The following PRLR variants were observed in gnomAD, a reference collection of about 807,000 sequenced individuals.
PRLR encodes prolactin receptor, also known as hPRL receptor.
Under a neutral mutation model 40.2 loss-of-function variants are expected in PRLR, and 13 were observed. The observed-to-expected ratio is 0.32, with a 90% CI of 0.21 to 0.51. PRLR has a LOEUF of 0.51. PRLR is among the 20% of genes least tolerant of loss of function. The pLI, the probability that PRLR is intolerant of heterozygous loss-of-function variation, is 0.97. For synonymous variants in PRLR, 269 were observed against 278.7 expected, an observed-to-expected ratio of 0.97 and a Z score of 0.35; for missense variants, 656 against 747.3, an observed-to-expected ratio of 0.88 and a Z score of 1.42.
In PRLR at chr5:35,081,284, TG is replaced by T. The variant is rs899586165; in HGVS notation, c.373+3185del. 9.8e-5 allele frequency: 16 copies of T among 164,014 alleles called. No homozygotes were observed. The Middle Eastern group carries it at 8.7e-3, about 89-fold the overall frequency. 10.2% of individuals were successfully genotyped at this position (164,014 alleles called of 1,614,324 possible). On this transcript the variant is annotated intron_variant, in intron 5 of 9. Transcript: ENST00000618457. ...ACTGTTAATGGCCCCTCTGGGAAAC[TG>T]TGGTGCAACAGCCGTGGGGCTTTCC...
intron 2 of PRLR, among the ~76,000 whole-genome samples, chr5:35,108,338 A>G (rs1197935861): frequency 2.0e-5 from 3 of 151,952 alleles, no homozygotes; most frequent in African/African-American, 7.3e-5. Flanking sequence ...CTCTCTCACC[A>G]CTCCTATTCA....
At chr5:35,051,734 G>A (rs1326010028), downstream of PRLR, among the ~76,000 whole-genome samples, 1 of 152,034 alleles carries the variant, frequency 6.6e-6, no homozygotes, top group Non-Finnish European at 1.5e-5. Flanking sequence ...GAGAAGGAGA[G>A]AACTGTTTAG....
intron 1 of PRLR, among the ~76,000 whole-genome samples, chr5:35,227,925 C>T (rs1046244581): frequency 2.0e-5 from 3 of 152,168 alleles, no homozygotes; most frequent in Admixed American, 6.5e-5. Context: ...CAAGTATCCA[C>T]GCCGGTCTGG....
In PRLR at chr5:35,161,405, C is replaced by A. The variant is rs549828420; in HGVS notation, c.-105-43283G>T. On this transcript the variant is annotated intron_variant, in intron 1 of 9. Transcript: ENST00000618457. ...ATGGTTGGGAGCACATTCATCATGA[C>A]CAAAGATTAATACTAGGAAAGAGGC... is the stretch of plus-strand genomic sequence containing the variant. 1.2e-4 allele frequency among the ~76,000 whole-genome samples: 18 copies of A among 152,252 alleles called. No homozygotes were observed. The South Asian group carries it at 3.5e-3, about 30-fold the overall frequency.
chr5:35,196,234 A>T (rs1775733046), intron 1 of PRLR, among the ~76,000 whole-genome samples: 1 of 152,230 alleles, frequency 6.6e-6, no homozygotes, highest in African/African-American at 2.4e-5. Context: ...TCAATCCTAT[A>T]GGCTGTGAAA....
At chr5:35,134,812 A>C (rs1773799670) in intron 1 of PRLR, among the ~76,000 whole-genome samples, 1 of 152,216 alleles carries the variant, frequency 6.6e-6, no homozygotes, top group South Asian at 2.1e-4. Flanking sequence ...AGAAACTTTA[A>C]AAACTACGGC....
intron 1 of PRLR, among the ~76,000 whole-genome samples, chr5:35,159,747 G>T (rs1561340295): frequency 6.6e-6 from 1 of 152,156 alleles, no homozygotes; most frequent in Non-Finnish European, 1.5e-5. Context: ...CTAAAGCTAT[G>T]TTAACAAGCA....
chr5:35,068,360 C>G (rs1191614962), intron 8 of PRLR, 75 bp from the exon 9 acceptor site: 1 of 1,266,742 alleles, frequency 7.9e-7, no homozygotes. Context: ...AGTATAATAG[C>G]CACTATAGGG....
At chr5:35,072,497 A>G in intron 6 of PRLR, 78 bp downstream of exon 6, 1 of 1,470,168 alleles carries the variant, frequency 6.8e-7, no homozygotes. Flanking sequence ...AATTAGGAGG[A>G]ATGACCTGTT....
At chr5:35,078,394 T>C (rs1329916320) in intron 5 of PRLR, among the ~76,000 whole-genome samples, 2 of 151,922 alleles carry the variant, frequency 1.3e-5, no homozygotes, top group African/African-American at 4.8e-5. Flanking sequence ...CCCACAGAAA[T>C]AGAAACTACC....
At chr5:35,134,453 T>A (rs1174561775) in intron 1 of PRLR, among the ~76,000 whole-genome samples, 2 of 152,096 alleles carry the variant, frequency 1.3e-5, no homozygotes, top group East Asian at 3.9e-4. Flanking sequence ...ATCTCCAGGG[T>A]CCAAAGTTGT....
At chr5:35,079,428 G>A (rs1770349593) in intron 5 of PRLR, among the ~76,000 whole-genome samples, 2 of 152,136 alleles carry the variant, frequency 1.3e-5, no homozygotes, top group African/African-American at 4.8e-5. Flanking sequence ...CAAACAGAGA[G>A]CCAAATCATG....
At chr5:35,217,386 T>C (rs1271962084) in intron 1 of PRLR, among the ~76,000 whole-genome samples, 1 of 152,236 alleles carries the variant, frequency 6.6e-6, no homozygotes, top group Non-Finnish European at 1.5e-5. Flanking sequence ...GTGCATCTTG[T>C]GTGATTTCAT....
At chr5:35,107,723 G>A (rs1211858204) in intron 2 of PRLR, among the ~76,000 whole-genome samples, 1 of 152,108 alleles carries the variant, frequency 6.6e-6, no homozygotes, top group Non-Finnish European at 1.5e-5. Context: ...CTGAAATCGA[G>A]GCAATAATTA....
intron 1 of PRLR, among the ~76,000 whole-genome samples, chr5:35,124,428 G>A (rs1773390536): frequency 6.6e-6 from 1 of 152,050 alleles, no homozygotes; most frequent in African/African-American, 2.4e-5. Flanking sequence ...CTTGGATCAG[G>A]GCTACAAGAC....
chr5:35,209,873 T>G (rs1323876256), intron 1 of PRLR, among the ~76,000 whole-genome samples: 1 of 152,226 alleles, frequency 6.6e-6, no homozygotes, highest in Non-Finnish European at 1.5e-5. Context: ...TCTATAGGCA[T>G]CTACTCTGGC....
intron 1 of PRLR, among the ~76,000 whole-genome samples, chr5:35,185,032 G>A (rs1052648711): frequency 6.6e-6 from 1 of 152,234 alleles, no homozygotes; most frequent in African/African-American, 2.4e-5. Flanking sequence ...ACCGCTGGAA[G>A]GACTTTAGAA....
Position 35,059,612 on chromosome 5 carries a change from T to A in PRLR, c.*5477A>T, listed in dbSNP as rs1561251650. 1 of 152,162 alleles carries A rather than the reference T, an allele frequency of 6.6e-6. No homozygotes were observed. Among genetic ancestry groups the A allele is most frequent in the African/African-American group, 2.4e-5 (1 of 41,430 alleles). The allele number at this position is 152,162 out of a possible 1,614,324, so 9.4% of individuals were successfully genotyped here. A position where few individuals can be genotyped will look rare whatever the true frequency, so the allele number is the denominator to read the frequency against. ...ACTTCCTATTTCCTGTTTTACTATCTTTTTCCTTTTATCAAAATGGGTGCC... is the reference window on the plus strand; with the variant it reads ...ACTTCCTATTTCCTGTTTTACTATCATTTTCCTTTTATCAAAATGGGTGCC... On this transcript the variant is annotated 3_prime_UTR_variant, in exon 10 of 10. Coordinates refer to ENST00000618457, the MANE Select transcript of PRLR (RefSeq NM_000949.7).
At chr5:35,149,663 A>G (rs1774285135) in intron 1 of PRLR, among the ~76,000 whole-genome samples, 1 of 152,176 alleles carries the variant, frequency 6.6e-6, no homozygotes, top group South Asian at 2.1e-4. Flanking sequence ...AAGATACTAC[A>G]ATATTTGTAG....
Sources: allele counts gnomAD v4.1 joint callset (sites outside exome capture counted in the v4.1 genomes callset), GRCh38; gene constraint gnomAD v4.1.1; transcripts MANE v1.5; gene names NCBI Gene and HGNC (gene_info 2026-07-23, HGNC 2026-07-21).